PACRG: variants seen among roughly 807,000 people sequenced by gnomAD.
The protein encoded by PACRG is parkin coregulated.
A neutral mutation model predicts 29.7 loss-of-function variants in PACRG; 29 were observed. The observed-to-expected ratio is 0.98, with a 90% CI of 0.73 to 1.33. The LOEUF (loss-of-function observed/expected upper bound fraction) is 1.33, where lower values mean the gene tolerates loss of function less well. Ranked by LOEUF, PACRG falls within the 40% of genes most tolerant of loss-of-function variation. PACRG has a pLI of 0.00. For missense variants in PACRG, 279 were observed against 316.2 expected (o/e 0.88, Z 0.89); for synonymous variants, 116 against 118.7 (o/e 0.98, Z 0.15).
At chr6:163,272,911 A>G (rs1365670006) in intron 4 of PACRG, among the ~76,000 whole-genome samples, 3 of 42,440 alleles carry the variant, frequency 7.1e-5, no homozygotes, top group African/African-American at 2.8e-4. Flanking sequence ...TTTTTTTTTG[A>G]GACGGAGTCT....
At chr6:163,287,425 C>T (rs76382259) in intron 4 of PACRG, among the ~76,000 whole-genome samples, 4,542 of 152,284 alleles carry the variant, frequency 0.03, 196 homozygotes, top group African/African-American at 0.093. Flanking sequence ...CCTTCGCCGC[C>T]ACGTTTGTCC....
intron 1 of PACRG, among the ~76,000 whole-genome samples, chr6:162,791,637 C>T (rs1036104164): frequency 4.6e-5 from 7 of 152,166 alleles, no homozygotes; most frequent in African/African-American, 1.7e-4. Flanking sequence ...TTGTCTTAGT[C>T]TTCCCTTTCC....
intron 4 of PACRG, among the ~76,000 whole-genome samples, chr6:163,188,572 G>C (rs1780060723): frequency 6.6e-6 from 1 of 152,306 alleles, no homozygotes; most frequent in Middle Eastern, 3.4e-3. Context: ...GGTTTGGTCC[G>C]TGAGTGAGAA....
At chr6:162,984,967 A>T (rs1039890756) in intron 2 of PACRG, among the ~76,000 whole-genome samples, 1 of 151,822 alleles carries the variant, frequency 6.6e-6, no homozygotes, top group Non-Finnish European at 1.5e-5. Context: ...TTGTCTGTTA[A>T]CTGTGCTGAT....
chr6:163,150,544 A>T lies in PACRG; in HGVS notation c.613+61136A>T, dbSNP rs74607104. ...AACATCTCCCTCCTGTCCCCCAGCCATGGGAGTTTAAAGTCAATTCAATAC... is the reference window on the plus strand; with the variant it reads ...AACATCTCCCTCCTGTCCCCCAGCCTTGGGAGTTTAAAGTCAATTCAATAC... On this transcript the variant is annotated intron_variant, in intron 4 of 4. Coordinates refer to ENST00000366888, the MANE Select transcript of PACRG (RefSeq NM_001080379.2). 5.5e-3 allele frequency among the ~76,000 whole-genome samples: 841 copies of T among 152,254 alleles called. 6 individuals are homozygous for T. The highest frequency in any genetic ancestry group is 0.019 in the African/African-American group (806 of 41,552).
At chr6:163,223,955 A>G (rs908881363) in intron 4 of PACRG, among the ~76,000 whole-genome samples, 1 of 152,186 alleles carries the variant, frequency 6.6e-6, no homozygotes, top group African/African-American at 2.4e-5. Flanking sequence ...CCTATAAGAG[A>G]CTGAGAATGC....
At chr6:163,106,613 T>G (rs1815395958) in intron 4 of PACRG, among the ~76,000 whole-genome samples, 1 of 152,228 alleles carries the variant, frequency 6.6e-6, no homozygotes, top group Non-Finnish European at 1.5e-5. Context: ...ATCAAGATTT[T>G]TATTGCATAT....
chr6:162,906,641 T>C (rs896551129), intron 2 of PACRG, among the ~76,000 whole-genome samples: 2 of 152,214 alleles, frequency 1.3e-5, no homozygotes, highest in Non-Finnish European at 2.9e-5. Context: ...TGATGACAGC[T>C]CTTTCTTCCG....
chr6:163,164,123 A>G (rs1439101931), intron 4 of PACRG, among the ~76,000 whole-genome samples: 4 of 152,216 alleles, frequency 2.6e-5, no homozygotes, highest in Non-Finnish European at 5.9e-5. Context: ...AATAAGATGT[A>G]AAATATTTGT....
At chr6:163,035,949 T>A (rs1465625654) in intron 2 of PACRG, among the ~76,000 whole-genome samples, 1 of 152,122 alleles carries the variant, frequency 6.6e-6, no homozygotes, top group Non-Finnish European at 1.5e-5. Flanking sequence ...AGTTACACAT[T>A]TGCCAGTACA....
chr6:163,075,426 C>T (rs1161275844), intron 3 of PACRG, among the ~76,000 whole-genome samples: 1 of 152,092 alleles, frequency 6.6e-6, no homozygotes, highest in African/African-American at 2.4e-5. Flanking sequence ...AACCTTGATA[C>T]CAATATTCAT....
At chr6:163,300,986 T>C (rs12212573) in intron 4 of PACRG, among the ~76,000 whole-genome samples, 8 of 109,324 alleles carry the variant, frequency 7.3e-5, no homozygotes, top group Admixed American at 1.9e-4. Context: ...GTGAGTTTAG[T>C]AGGGCCACGT....
intron 2 of PACRG, among the ~76,000 whole-genome samples, chr6:162,897,281 T>A (rs1671930894): frequency 6.6e-6 from 1 of 152,266 alleles, no homozygotes; most frequent in Non-Finnish European, 1.5e-5. Flanking sequence ...TCAACTATGC[T>A]GCTGGAAAGA....
chr6:163,283,547 T>C (rs1162538988), intron 4 of PACRG, among the ~76,000 whole-genome samples: 1 of 152,116 alleles, frequency 6.6e-6, no homozygotes, highest in Non-Finnish European at 1.5e-5. Flanking sequence ...ACGCCTGTAA[T>C]CCCAGCACTT....
chr6:163,222,317 C>T (rs1034513955), intron 4 of PACRG, among the ~76,000 whole-genome samples: 1 of 152,164 alleles, frequency 6.6e-6, no homozygotes, highest in Admixed American at 6.5e-5. Context: ...GAGATGGGAG[C>T]TTGCATCCAA....
intron 2 of PACRG, among the ~76,000 whole-genome samples, chr6:163,010,795 A>C (rs1412227196): frequency 6.6e-6 from 1 of 152,198 alleles, no homozygotes; most frequent in East Asian, 1.9e-4. Flanking sequence ...ACGGATATAA[A>C]GGTGTGTTCT....
intron 4 of PACRG, among the ~76,000 whole-genome samples, chr6:163,311,515 C>G (rs1785413385): frequency 6.6e-6 from 1 of 152,144 alleles, no homozygotes; most frequent in South Asian, 2.1e-4. Context: ...ATTTCAGGCC[C>G]TCAAAAAACT....
chr6:163,179,477 A>G (rs1446590725), intron 4 of PACRG: 2 of 273,634 alleles, frequency 7.3e-6, no homozygotes, highest in African/African-American at 2.2e-5. Context: ...ATGAAGGTGG[A>G]TTGCTTCAGC....
chr6:162,994,198 G>A (rs1309896142), intron 2 of PACRG, among the ~76,000 whole-genome samples: 1 of 131,746 alleles, frequency 7.6e-6, no homozygotes, highest in Non-Finnish European at 1.6e-5. Flanking sequence ...TTCAACTTTG[G>A]TGAATCTGAC....
Sources: gnomAD v4.1 joint callset for allele counts (sites outside exome capture counted in the v4.1 genomes callset) on GRCh38, gnomAD v4.1.1 for gene constraint, MANE v1.5 for transcripts, NCBI Gene and HGNC (gene_info 2026-07-23, HGNC 2026-07-21) for gene names.